Variants in CSPP1 observed in about 807,000 individuals in gnomAD.
CSPP1 encodes centrosome and spindle pole associated protein 1.
Under a neutral mutation model 164.4 loss-of-function variants are expected in CSPP1, and 126 were observed. The ratio of observed to expected loss-of-function variants is 0.77; its 90% CI spans 0.66 to 0.89. The LOEUF (loss-of-function observed/expected upper bound fraction) is 0.89. Among genes scored for constraint, CSPP1 ranks in the 40% least tolerant of loss-of-function variants. The probability of loss-of-function intolerance (pLI) is 0.00; values close to 1 mark genes in which losing one functional copy is unlikely to be tolerated. For missense variants in CSPP1, 1,395 were observed against 1,449.8 expected (o/e 0.96, Z 0.61); for synonymous variants, 472 against 476.7 (o/e 0.99, Z 0.13).
intron 20 of CSPP1, 25 bp downstream of exon 20, chr8:67,158,621 T>A: frequency 6.4e-7 from 1 of 1,551,300 alleles, no homozygotes. Context: ...CCTATTGTAT[T>A]TTACTACTTA....
intron 17 of CSPP1, among the ~76,000 whole-genome samples, chr8:67,141,286 G>A (rs1010451907): frequency 1.3e-5 from 2 of 152,076 alleles, no homozygotes; most frequent in South Asian, 4.1e-4. Context: ...TGGAGAAAAT[G>A]TTTCCACATT....
At chr8:67,099,137 T>A (rs1030008504) in intron 7 of CSPP1, among the ~76,000 whole-genome samples, 1 of 151,964 alleles carries the variant, frequency 6.6e-6, no homozygotes, top group African/African-American at 2.4e-5. Context: ...CTTTTTTTTT[T>A]AGTTAGTAGG....
chr8:67,115,935 A>C lies in CSPP1; in HGVS notation c.1309A>C (p.Ser437Arg), dbSNP rs1312690738. ...KEEPDRLKQFSVAPRHFEEMI... is the reference protein window; with the variant it reads ...KEEPDRLKQFRVAPRHFEEMI... ...TTAGCCTGATAGACTAAAGCAGTTTAGTGTGGCACCAAGACACTTTGAAGA... is the reference window on the plus strand; with the variant it reads ...TTAGCCTGATAGACTAAAGCAGTTTCGTGTGGCACCAAGACACTTTGAAGA... The change falls in exon 13 of 31, where the codon AGT (serine) becomes CGT (arginine). Residue 437 changes from serine (S) to arginine (R), a missense_variant. Coordinates refer to ENST00000678616, the MANE Select transcript of CSPP1 (RefSeq NM_001382391.1). 7.4e-6 allele frequency: 12 copies of C among 1,613,700 alleles called. No homozygotes were observed. The highest frequency in any genetic ancestry group is 2.2e-5 in the South Asian group (2 of 91,076).
intron 1 of CSPP1, among the ~76,000 whole-genome samples, chr8:67,073,107 T>C (rs1319482895): frequency 1.3e-5 from 2 of 152,190 alleles, no homozygotes; most frequent in Non-Finnish European, 2.9e-5. Context: ...GGCAAGGATG[T>C]GTAGAAATTG....
intron 16 of CSPP1, chr8:67,135,480 T>C (rs1822070684): frequency 6.6e-6 from 1 of 152,160 alleles, no homozygotes; most frequent in Non-Finnish European, 1.5e-5. Flanking sequence ...GTTATAGAGA[T>C]GGCAGCTTTC....
Position 67,137,500 on chromosome 8 carries a change from A to G in CSPP1, c.1872A>G (p.Lys624=), listed in dbSNP as rs1822589349. ...EERRKKEREE[K]EEYEAKLEAE... ...GAAGGAAGAAAGAACGTGAAGAAAAAGAAGAATATGAAGCTAAATTAGAAG... is the reference window on the plus strand; with the variant it reads ...GAAGGAAGAAAGAACGTGAAGAAAAGGAAGAATATGAAGCTAAATTAGAAG... Residue 624 remains lysine, a synonymous_variant, in exon 17 of 31, where the codon AAA becomes AAG. Transcript: ENST00000678616. 1.9e-6 allele frequency: 3 copies of G among 1,562,896 alleles called. No homozygotes were observed. Among genetic ancestry groups the G allele is most frequent in the Non-Finnish European group, 2.6e-6 (3 of 1,144,446 alleles).
intron 1 of CSPP1, among the ~76,000 whole-genome samples, chr8:67,067,657 G>T (rs1805857303): frequency 6.6e-6 from 1 of 151,312 alleles, no homozygotes; most frequent in Admixed American, 6.6e-5. Flanking sequence ...TAGAGACGGG[G>T]TTTCACCGTG....
intron 15 of CSPP1, among the ~76,000 whole-genome samples, chr8:67,124,362 C>A (rs1056156920): frequency 3.3e-5 from 5 of 152,068 alleles, no homozygotes; most frequent in Non-Finnish European, 7.4e-5. Flanking sequence ...TTCAATGGTA[C>A]ACAAACCTTT....
intron 5 of CSPP1, among the ~76,000 whole-genome samples, chr8:67,093,327 C>T (rs1175042391): frequency 6.6e-6 from 1 of 152,144 alleles, no homozygotes; most frequent in East Asian, 1.9e-4. Context: ...TCTCATGTGA[C>T]AAGAAAGACC....
chr8:67,115,364 C>T (rs1042964231), intron 12 of CSPP1: 1 of 152,414 alleles, frequency 6.6e-6, no homozygotes, highest in Non-Finnish European at 1.5e-5. Flanking sequence ...CTCAATTACC[C>T]ATTTATAAAA....
chr8:67,105,023 A>AT (rs1292683720), intron 8 of CSPP1, among the ~76,000 whole-genome samples: 1,602 of 23,278 alleles, frequency 0.069, 62 homozygotes, highest in African/African-American at 0.14. Context: ...ATGAAAAAGG[A>AT]TTTTTTTTTT....
intron 24 of CSPP1, among the ~76,000 whole-genome samples, chr8:67,171,805 C>T (rs186326551): frequency 3.3e-5 from 5 of 152,082 alleles, no homozygotes; most frequent in African/African-American, 1.2e-4. Context: ...GCCTTGGCCT[C>T]CCAAAGTGCT....
intron 8 of CSPP1, among the ~76,000 whole-genome samples, chr8:67,104,400 A>T (rs1039715468): frequency 1.3e-5 from 2 of 151,524 alleles, no homozygotes; most frequent in Non-Finnish European, 2.9e-5. Flanking sequence ...AGTAGTTGGG[A>T]CTACAGGCAT....
chr8:67,113,976 A>G, intron 11 of CSPP1, 114 bp downstream of exon 11: 1 of 608,688 alleles, frequency 1.6e-6, no homozygotes, highest in Non-Finnish European at 3.0e-6. Context: ...CAATTTGAAC[A>G]GTAATAAAAT....
Position 67,103,054 on chromosome 8 carries a change from G to A in CSPP1, c.941G>A (p.Arg314Gln), listed in dbSNP as rs1173092063. ...TTTTTAAGGATGCACAGGAACAAAC[G>A]AGGGAATATGCCTCCTATGGAACAT... is the stretch of plus-strand genomic sequence containing the variant. Reference protein sequence around the residue: ...YTNDRMHRNKRGNMPPMEHDG... With the variant: ...YTNDRMHRNKQGNMPPMEHDG... Residue 314 changes from arginine to glutamine, a missense_variant, in exon 8 of 31, where the codon CGA (arginine) becomes CAA (glutamine). Arg to Gln is a conservative substitution (Grantham distance 43). Coordinates refer to ENST00000678616, the MANE Select transcript of CSPP1 (RefSeq NM_001382391.1). 6 of 1,608,356 alleles carry A rather than the reference G, an allele frequency of 3.7e-6. No homozygotes were observed. In the Admixed American group the frequency reaches 6.7e-5, roughly 18 times the overall value.
intron 7 of CSPP1, among the ~76,000 whole-genome samples, chr8:67,100,042 T>G (rs1233570180): frequency 6.6e-6 from 1 of 152,160 alleles, no homozygotes; most frequent in Non-Finnish European, 1.5e-5. Context: ...TTTATTATCT[T>G]TTTAGTGAAA....
intron 1 of CSPP1, among the ~76,000 whole-genome samples, chr8:67,069,641 T>C (rs1030701711): frequency 6.6e-6 from 1 of 151,452 alleles, no homozygotes; most frequent in South Asian, 2.1e-4. Context: ...ATAAATGACA[T>C]TTCTTTTTTT....
At chr8:67,193,769 T>C (rs1450138513) in intron 30 of CSPP1, among the ~76,000 whole-genome samples, 167 bp downstream of exon 30, 1 of 152,252 alleles carries the variant, frequency 6.6e-6, no homozygotes, top group African/African-American at 2.4e-5. Context: ...GACCTCAGGA[T>C]GCAGTTTGCA....
intron 28 of CSPP1, among the ~76,000 whole-genome samples, chr8:67,183,838 T>C (rs1412078058): frequency 6.8e-6 from 1 of 147,584 alleles, no homozygotes; most frequent in African/African-American, 2.5e-5. Context: ...TGTAAAAAAT[T>C]GGGAATTTTT....
Sources: gnomAD v4.1 joint callset for allele counts (sites outside exome capture counted in the v4.1 genomes callset) on GRCh38, gnomAD v4.1.1 for gene constraint, MANE v1.5 for transcripts, NCBI Gene and HGNC (gene_info 2026-07-23, HGNC 2026-07-21) for gene names.